The following CD2AP variants were observed in gnomAD, a reference collection of about 807,000 sequenced individuals.
The protein encoded by CD2AP is CD2 associated protein, also known as CD2-associated protein.
A neutral mutation model predicts 85.1 loss-of-function variants in CD2AP; 46 were observed. That is an observed-to-expected ratio of 0.54 (90% CI 0.43 to 0.69). The LOEUF is 0.69. Ranked by LOEUF, CD2AP falls within the 30% of genes least tolerant of loss-of-function variation. The pLI, the probability that CD2AP is intolerant of heterozygous loss-of-function variation, is 0.00. For missense variants in CD2AP, 769 were observed against 729.5 expected (o/e 1.05, Z -0.62); for synonymous variants, 255 against 252.9 (o/e 1.01, Z -0.08).
Position 47,609,198 on chromosome 6 carries a change from A to C in CD2AP, c.1708A>C (p.Lys570Gln), listed in dbSNP as rs1255731868. The change falls in exon 16 of 18, where the codon AAA (lysine) becomes CAA (glutamine). Residue 570 changes from lysine to glutamine, a missense_variant. Lys to Gln is a moderately conservative substitution (Grantham distance 53). Transcript: ENST00000359314. ...TGCTTTCCTGACTCCATTAGAAATCAAAGCTAAAGTGGAAACAGATGATGT... is the reference window on the plus strand; with the variant it reads ...TGCTTTCCTGACTCCATTAGAAATCCAAGCTAAAGTGGAAACAGATGATGT... ...TTAFLTPLEI[K>Q]AKVETDDVKK... 6.2e-7 allele frequency: 1 copy of C among 1,613,504 alleles called. No individual in the cohort carries two copies.
chr6:47,570,705 T>C (rs1768125240), intron 5 of CD2AP, among the ~76,000 whole-genome samples: 1 of 152,166 alleles, frequency 6.6e-6, no homozygotes, highest in African/African-American at 2.4e-5. Context: ...AGGAATAAAT[T>C]AGTTTACTTC....
chr6:47,498,303 G>A (rs1454615625), intron 1 of CD2AP, among the ~76,000 whole-genome samples: 1 of 152,128 alleles, frequency 6.6e-6, no homozygotes, highest in Non-Finnish European at 1.5e-5. Context: ...TTGCCAATGA[G>A]AAGTGTTCCA....
At chr6:47,617,193 G>A (rs9463341) in intron 17 of CD2AP, among the ~76,000 whole-genome samples, 91,826 of 151,826 alleles carry the variant, frequency 0.6, 28,570 homozygotes, top group Middle Eastern at 0.74. Context: ...TTGAACTCCT[G>A]GCCTCAAGTG....
intron 17 of CD2AP, 145 bp downstream of exon 17, chr6:47,612,681 A>T: frequency 1.5e-6 from 1 of 657,242 alleles, no homozygotes; most frequent in South Asian, 1.7e-5. Context: ...ATTCAGTCAC[A>T]AAAAAAGAAT....
intron 13 of CD2AP, among the ~76,000 whole-genome samples, chr6:47,603,719 C>T (rs1769202110): frequency 6.6e-6 from 1 of 151,814 alleles, no homozygotes; most frequent in African/African-American, 2.4e-5. Context: ...TTGGTTTAGT[C>T]TTTTTTCTAG....
At chr6:47,527,113 C>CCT (rs1554170260) in intron 2 of CD2AP, among the ~76,000 whole-genome samples, 46 of 151,634 alleles carry the variant, frequency 3.0e-4, no homozygotes, top group Non-Finnish European at 1.6e-4. Context: ...GACTCCCCCC[C>CCT]GATTGAAAAA....
chr6:47,561,754 T>C (rs995529400), intron 5 of CD2AP, among the ~76,000 whole-genome samples: 27 of 152,308 alleles, frequency 1.8e-4, no homozygotes, highest in Admixed American at 1.4e-3. Context: ...GTGAAATGAG[T>C]AATTGAGTTT....
chr6:47,482,812 A>G (rs1391363934), intron 1 of CD2AP, among the ~76,000 whole-genome samples: 1 of 152,248 alleles, frequency 6.6e-6, no homozygotes, highest in African/African-American at 2.4e-5. Context: ...GATCTGTCAG[A>G]GAATCCTGTC....
intron 2 of CD2AP, among the ~76,000 whole-genome samples, chr6:47,516,699 C>A (rs957585817): frequency 6.6e-6 from 1 of 151,952 alleles, no homozygotes; most frequent in Non-Finnish European, 1.5e-5. Flanking sequence ...TTATATACTT[C>A]CCATTTTTTT....
intron 5 of CD2AP, among the ~76,000 whole-genome samples, chr6:47,556,067 T>C (rs919233699): frequency 7.9e-5 from 12 of 151,638 alleles, no homozygotes; most frequent in African/African-American, 2.9e-4. Context: ...TTTTTTTTTT[T>C]TTTTAATTAT....
chr6:47,593,473 T>C (rs1018218277), intron 11 of CD2AP, among the ~76,000 whole-genome samples: 1 of 152,052 alleles, frequency 6.6e-6, no homozygotes, highest in African/African-American at 2.4e-5. Context: ...AACAAGCATG[T>C]TTATAAGCAT....
chr6:47,541,281 G>A (rs959722366), intron 3 of CD2AP, among the ~76,000 whole-genome samples: 2 of 151,962 alleles, frequency 1.3e-5, no homozygotes, highest in African/African-American at 2.4e-5. Context: ...CCACCACCAC[G>A]CCCGGCTAAT....
chr6:47,501,220 C>G (rs766938034), intron 1 of CD2AP, among the ~76,000 whole-genome samples: 46 of 152,122 alleles, frequency 3.0e-4, no homozygotes, highest in Non-Finnish European at 6.0e-4. Flanking sequence ...GACCCCATCT[C>G]TATTTAAAAA....
In CD2AP at chr6:47,609,153, G is replaced by T; in HGVS notation, c.1663G>T (p.Ala555Ser). The change falls in exon 16 of 18, where the codon GCT becomes TCT. Residue 555 changes from alanine to serine, a missense_variant. Physicochemically the swap from Ala to Ser is moderately conservative, Grantham distance 99 (BLOSUM62 1). Transcript: ENST00000359314. Reference protein sequence around the residue: ...PSVYLSTPSSASKANTTAFLT... With the variant: ...PSVYLSTPSSSSKANTTAFLT... The stretch of plus-strand genomic sequence containing the variant: ...TGTGTACCTTTCAACACCTTCCAGT[G>T]CTTCTAAAGCAAATACAACTGCTTT... 1 of 1,613,116 alleles carries T rather than the reference G, an allele frequency of 6.2e-7. No individual in the cohort carries two copies. The highest frequency in any genetic ancestry group is 2.2e-5 in the East Asian group (1 of 44,812).
intron 16 of CD2AP, among the ~76,000 whole-genome samples, chr6:47,610,971 ATTTT>A (rs11331165): frequency 1.8e-5 from 2 of 112,904 alleles, no homozygotes; most frequent in African/African-American, 3.6e-5. Context: ...ATATATATGT[ATTTT>A]TTTTTTTTTT....
intron 1 of CD2AP, among the ~76,000 whole-genome samples, chr6:47,496,888 TTTTA>T (rs1216025558): frequency 1.3e-5 from 2 of 152,228 alleles, no homozygotes; most frequent in East Asian, 3.8e-4. Flanking sequence ...GGGTTTATAC[TTTTA>T]TTTCTTTTTC....
At chr6:47,621,482 A>G (rs1448482202) in intron 17 of CD2AP, among the ~76,000 whole-genome samples, 1 of 152,198 alleles carries the variant, frequency 6.6e-6, no homozygotes, top group Non-Finnish European at 1.5e-5. Flanking sequence ...TGTGTTCATC[A>G]AAGATACTGG....
At chr6:47,577,897 T>A (rs1768355798) in intron 8 of CD2AP, among the ~76,000 whole-genome samples, 2 of 152,062 alleles carry the variant, frequency 1.3e-5, no homozygotes, top group Non-Finnish European at 2.9e-5. Context: ...TACACTGACT[T>A]TGTTATAAGA....
intron 16 of CD2AP, among the ~76,000 whole-genome samples, chr6:47,609,850 G>C (rs1266151408): frequency 6.6e-6 from 1 of 152,162 alleles, no homozygotes; most frequent in Non-Finnish European, 1.5e-5. Flanking sequence ...TTTTAGGCTA[G>C]AAATCTTCTG....
Sources: allele counts gnomAD v4.1 joint callset (sites outside exome capture counted in the v4.1 genomes callset), GRCh38; gene constraint gnomAD v4.1.1; transcripts MANE v1.5; gene names NCBI Gene and HGNC (gene_info 2026-07-23, HGNC 2026-07-21).